LRFN5: variants seen among roughly 807,000 people sequenced by gnomAD.
LRFN5 encodes leucine-rich repeat and fibronectin type-III domain-containing protein 5.
Under a neutral mutation model 45.6 loss-of-function variants are expected in LRFN5, and 24 were observed. The ratio of observed to expected loss-of-function variants is 0.53; its 90% CI spans 0.38 to 0.74. The LOEUF (loss-of-function observed/expected upper bound fraction) is 0.74, where lower values mean the gene tolerates loss of function less well. LRFN5 is among the 30% of genes least tolerant of loss of function. The pLI, the probability that LRFN5 is intolerant of heterozygous loss-of-function variation, is 0.00. For missense variants in LRFN5, 776 were observed against 861.5 expected, an observed-to-expected ratio of 0.90 and a Z score of 1.24; for synonymous variants, 340 against 313.8, an observed-to-expected ratio of 1.08 and a Z score of -0.88.
intron 3 of LRFN5, among the ~76,000 whole-genome samples, chr14:41,889,432 G>T (rs1170450660): frequency 6.6e-6 from 1 of 151,988 alleles, no homozygotes; most frequent in African/African-American, 2.4e-5. Context: ...TTAACTTAAA[G>T]TAATTTGCTC....
intron 2 of LRFN5, among the ~76,000 whole-genome samples, chr14:41,775,425 T>G (rs2138903167): frequency 6.6e-6 from 1 of 152,270 alleles, no homozygotes; most frequent in Non-Finnish European, 1.5e-5. Flanking sequence ...ATAAGGTGAC[T>G]TTTCCTCTTA....
At chr14:41,744,510 AAAGT>A (rs1224772935) in intron 1 of LRFN5, among the ~76,000 whole-genome samples, 9 of 152,188 alleles carry the variant, frequency 5.9e-5, no homozygotes, top group Non-Finnish European at 8.8e-5. Context: ...CAACATGACA[AAAGT>A]AAGTCCCACA....
At chr14:41,785,520 G>C (rs1273764598) in intron 2 of LRFN5, among the ~76,000 whole-genome samples, 2 of 151,978 alleles carry the variant, frequency 1.3e-5, no homozygotes, top group African/African-American at 4.8e-5. Context: ...ATCACATATG[G>C]CAGCGGTCCC....
At chr14:41,758,848 A>C (rs544213199) in intron 1 of LRFN5, among the ~76,000 whole-genome samples, 1 of 152,104 alleles carries the variant, frequency 6.6e-6, no homozygotes, top group African/African-American at 2.4e-5. Context: ...TTTCCTTTTT[A>C]AAATATTCTC....
chr14:41,698,826 G>A (rs1882721979), intron 1 of LRFN5, among the ~76,000 whole-genome samples: 1 of 151,998 alleles, frequency 6.6e-6, no homozygotes, highest in South Asian at 2.1e-4. Flanking sequence ...TAATTTAGGA[G>A]ATACTTGGCA....
At position 41,734,344 on chromosome 14, in the gene LRFN5, A is replaced by ATATATATATATATATT. The variant is rs1428416141; in HGVS notation, c.-196-32509_-196-32508insATATATATATATATTT. Among the ~76,000 whole-genome samples, 44 of 105,968 alleles carry ATATATATATATATATT rather than the reference A, an allele frequency of 4.2e-4. 4 individuals are homozygous for ATATATATATATATATT. The East Asian group carries it at 7.7e-3, about 19-fold the overall frequency. 69.5% of individuals were successfully genotyped at this position (105,968 alleles called of 152,430 possible). On this transcript the variant is annotated intron_variant, in intron 1 of 5. Transcript: ENST00000298119. ...TATATATATATATATATATATATAT[A>ATATATATATATATATT]TTTAAATTTGCTGTAACTTATTGAT... is the stretch of plus-strand genomic sequence containing the variant.
At chr14:41,891,022 T>A (rs1460654514) in intron 3 of LRFN5, among the ~76,000 whole-genome samples, 1 of 152,154 alleles carries the variant, frequency 6.6e-6, no homozygotes, top group Non-Finnish European at 1.5e-5. Context: ...ATGTAATTAG[T>A]AAGCTTGTGA....
At chr14:41,704,434 C>CTGTGTG (rs1255294858) in intron 1 of LRFN5, among the ~76,000 whole-genome samples, 173 of 43,074 alleles carry the variant, frequency 4.0e-3, no homozygotes, top group Non-Finnish European at 6.4e-3. Context: ...CTCTCTCTCT[C>CTGTGTG]TCTCTCTCTC....
intron 2 of LRFN5, among the ~76,000 whole-genome samples, chr14:41,801,061 A>G (rs1185463018): frequency 6.6e-6 from 1 of 152,132 alleles, no homozygotes; most frequent in Non-Finnish European, 1.5e-5. Context: ...TAACAATATC[A>G]GAGTTTATAT....
intron 1 of LRFN5, among the ~76,000 whole-genome samples, chr14:41,740,763 T>C (rs1462533468): frequency 6.6e-6 from 1 of 151,868 alleles, no homozygotes; most frequent in Non-Finnish European, 1.5e-5. Flanking sequence ...GAAGTGAAAT[T>C]GTCAGTGCAA....
chr14:41,888,072 T>C (rs1384730078), intron 3 of LRFN5, 62 bp downstream of exon 3: 10 of 1,312,400 alleles, frequency 7.6e-6, no homozygotes, highest in Non-Finnish European at 1.1e-5. Flanking sequence ...TTTGTTAATG[T>C]ACTACTGATT....
chr14:41,734,125 A>G (rs1884302836), intron 1 of LRFN5, among the ~76,000 whole-genome samples: 1 of 138,576 alleles, frequency 7.2e-6, no homozygotes, highest in East Asian at 2.4e-4. Context: ...TCCTGGGTTC[A>G]AGCAATTCTC....
chr14:41,840,402 T>C (rs1053721340), intron 2 of LRFN5, among the ~76,000 whole-genome samples: 7 of 152,076 alleles, frequency 4.6e-5, no homozygotes, highest in African/African-American at 1.7e-4. Flanking sequence ...AAAGCAGCAA[T>C]TCCTGAAGGC....
chr14:41,802,273 C>T (rs766305920), intron 2 of LRFN5, among the ~76,000 whole-genome samples: 1 of 151,992 alleles, frequency 6.6e-6, no homozygotes, highest in African/African-American at 2.4e-5. Flanking sequence ...GATTTATAGC[C>T]GAGGAACAGG....
At chr14:41,743,265 C>T (rs1884782903) in intron 1 of LRFN5, among the ~76,000 whole-genome samples, 2 of 152,144 alleles carry the variant, frequency 1.3e-5, no homozygotes, top group African/African-American at 4.8e-5. Context: ...GCAAAATCTA[C>T]ATCGCCCTAC....
At chr14:41,690,009 C>T (rs1882304238) in intron 1 of LRFN5, among the ~76,000 whole-genome samples, 1 of 151,098 alleles carries the variant, frequency 6.6e-6, no homozygotes, top group Non-Finnish European at 1.5e-5. Flanking sequence ...TTTTTACAAA[C>T]TCTCTTTTCA....
intron 2 of LRFN5, among the ~76,000 whole-genome samples, chr14:41,822,853 GTTTTT>G (rs3032270): frequency 5.1e-5 from 7 of 136,270 alleles, no homozygotes; most frequent in South Asian, 4.7e-4. Flanking sequence ...ATTTAGGGTT[GTTTTT>G]TTTTTTTTTT....
chr14:41,726,794 A>G (rs1883955055), intron 1 of LRFN5, among the ~76,000 whole-genome samples: 1 of 152,228 alleles, frequency 6.6e-6, no homozygotes, highest in Non-Finnish European at 1.5e-5. Context: ...AATGGGTAAT[A>G]TTTTAATAGA....
At chr14:41,879,918 T>A (rs1248808076) in intron 2 of LRFN5, among the ~76,000 whole-genome samples, 2 of 16,892 alleles carry the variant, frequency 1.2e-4, no homozygotes, top group South Asian at 3.8e-3. Context: ...AATTTTTCCT[T>A]TTTTTTTTTT....
Sources: allele counts gnomAD v4.1 joint callset (sites outside exome capture counted in the v4.1 genomes callset), GRCh38; gene constraint gnomAD v4.1.1; transcripts MANE v1.5; gene names NCBI Gene and HGNC (gene_info 2026-07-23, HGNC 2026-07-21).